The following XKR4 variants were observed in gnomAD, a reference collection of about 807,000 sequenced individuals.
XKR4 encodes the protein XK related 4, also known as XK-related protein 4.
Under a neutral mutation model 53.9 loss-of-function variants are expected in XKR4, and 12 were observed. The ratio of observed to expected loss-of-function variants is 0.22; its 90% confidence interval spans 0.14 to 0.36. XKR4 has a LOEUF of 0.36. Among genes scored for constraint, XKR4 ranks in the 10% least tolerant of loss-of-function variants. The pLI is 1.00. For synonymous variants in XKR4, 354 were observed against 362.4 expected, an observed-to-expected ratio of 0.98 and a Z score of 0.26; for missense variants, 799 against 859.5, an observed-to-expected ratio of 0.93 and a Z score of 0.88.
intron 2 of XKR4, among the ~76,000 whole-genome samples, chr8:55,413,681 T>G (rs970461522): frequency 6.6e-6 from 1 of 152,230 alleles, no homozygotes; most frequent in African/African-American, 2.4e-5. Context: ...CTTGGTCTGA[T>G]TTTTTCTTGA....
At chr8:55,138,245 G>A (rs1585898536) in intron 1 of XKR4, among the ~76,000 whole-genome samples, 1 of 152,208 alleles carries the variant, frequency 6.6e-6, no homozygotes, top group East Asian at 1.9e-4. Flanking sequence ...GCCAGCTCAA[G>A]AGAGATAATA....
intron 2 of XKR4, among the ~76,000 whole-genome samples, chr8:55,448,202 T>G (rs1805373711): frequency 1.3e-5 from 2 of 152,226 alleles, no homozygotes; most frequent in Admixed American, 6.5e-5. Flanking sequence ...GCCTGGCAAT[T>G]TATTAAACTT....
At chr8:55,110,792 A>G (rs1490087184) in intron 1 of XKR4, among the ~76,000 whole-genome samples, 2 of 152,110 alleles carry the variant, frequency 1.3e-5, no homozygotes, top group African/African-American at 2.4e-5. Context: ...ATATGGAAGA[A>G]TTTTTGGTAT....
chr8:55,392,727 G>A (rs1283669439), intron 2 of XKR4, among the ~76,000 whole-genome samples: 1 of 152,134 alleles, frequency 6.6e-6, no homozygotes, highest in African/African-American at 2.4e-5. Flanking sequence ...AGAAGCAGAG[G>A]TTACAGTGAG....
At chr8:55,389,480 T>C (rs536063329) in intron 2 of XKR4, among the ~76,000 whole-genome samples, 4 of 152,340 alleles carry the variant, frequency 2.6e-5, no homozygotes, top group African/African-American at 9.6e-5. Context: ...TACTGGCTAA[T>C]GGATTATATT....
At chr8:55,426,964 C>T (rs1805025123) in intron 2 of XKR4, among the ~76,000 whole-genome samples, 1 of 152,082 alleles carries the variant, frequency 6.6e-6, no homozygotes, top group African/African-American at 2.4e-5. Context: ...GATTTCCTAC[C>T]ACTGCCTACA....
rs531080695 is a variant in XKR4, at chr8:55,209,086, C to T, written c.806+105792C>T. Among the ~76,000 whole-genome samples the T allele has an allele frequency of 3.0e-4, 45 of 152,274 alleles. No individual in the cohort carries two copies. The South Asian group carries it at 6.6e-3, about 22-fold the overall frequency. Reference sequence around the variant, plus strand: ...TGTGGCTCATAGGCAACCAGGTTTGCGCTGAATAACCGGCTGAGTAGCTGC... The same window carrying T: ...TGTGGCTCATAGGCAACCAGGTTTGTGCTGAATAACCGGCTGAGTAGCTGC... On this transcript the variant is annotated intron_variant, in intron 1 of 2. Coordinates refer to ENST00000327381, the MANE Select transcript of XKR4 (RefSeq NM_052898.2).
intron 2 of XKR4, among the ~76,000 whole-genome samples, chr8:55,378,927 T>C (rs1471908709): frequency 6.6e-6 from 1 of 152,182 alleles, no homozygotes; most frequent in Non-Finnish European, 1.5e-5. Context: ...GCCAAATGAA[T>C]CATGTTGGGG....
At chr8:55,519,922 G>A (rs1363533369) in intron 2 of XKR4, among the ~76,000 whole-genome samples, 1 of 152,160 alleles carries the variant, frequency 6.6e-6, no homozygotes, top group Non-Finnish European at 1.5e-5. Flanking sequence ...AAATATAGAT[G>A]TTCAATATAA....
At chr8:55,213,633 G>A (rs1438172116) in intron 1 of XKR4, among the ~76,000 whole-genome samples, 2 of 152,092 alleles carry the variant, frequency 1.3e-5, no homozygotes, top group Admixed American at 1.3e-4. Context: ...TTTGGGAAAG[G>A]GCTGCTGTCA....
intron 1 of XKR4, among the ~76,000 whole-genome samples, chr8:55,186,367 A>C (rs1817376362): frequency 6.6e-6 from 1 of 152,224 alleles, no homozygotes; most frequent in African/African-American, 2.4e-5. Context: ...TTAAAAATTC[A>C]AATAGAGGCC....
intron 1 of XKR4, among the ~76,000 whole-genome samples, chr8:55,283,838 C>T (rs940012219): frequency 2.6e-5 from 4 of 152,310 alleles, no homozygotes; most frequent in Middle Eastern, 3.4e-3. Context: ...GTGAGGCCAG[C>T]TCATTTCACA....
At chr8:55,490,499 A>G (rs932677318) in intron 2 of XKR4, among the ~76,000 whole-genome samples, 4 of 152,196 alleles carry the variant, frequency 2.6e-5, no homozygotes, top group African/African-American at 4.8e-5. Context: ...TTGTACCCCG[A>G]AATTCAGCAT....
chr8:55,344,407 G>C (rs571499759), intron 1 of XKR4, among the ~76,000 whole-genome samples: 61 of 151,018 alleles, frequency 4.0e-4, no homozygotes, highest in Non-Finnish European at 7.2e-4. Flanking sequence ...CACGATCACT[G>C]CTTCCTGAGT....
chr8:55,240,710 T>TA (rs1243663623), intron 1 of XKR4, among the ~76,000 whole-genome samples: 5 of 152,210 alleles, frequency 3.3e-5, no homozygotes, highest in African/African-American at 1.2e-4. Context: ...AGTCCATTGC[T>TA]AAAAAAAGAG....
At chr8:55,454,644 G>T in intron 2 of XKR4, 1 of 1,066,400 alleles carries the variant, frequency 9.4e-7, no homozygotes, top group Non-Finnish European at 1.4e-6. Flanking sequence ...GGGGCACGGT[G>T]CACGTCAGCA....
chr8:55,474,727 G>A (rs1449838847), intron 2 of XKR4, among the ~76,000 whole-genome samples: 1 of 152,148 alleles, frequency 6.6e-6, no homozygotes, highest in Non-Finnish European at 1.5e-5. Flanking sequence ...GGATGCTAAT[G>A]AGGCTCTGCC....
chr8:55,494,042 G>A (rs1806306785), intron 2 of XKR4, among the ~76,000 whole-genome samples: 3 of 152,232 alleles, frequency 2.0e-5, no homozygotes, highest in Admixed American at 2.0e-4. Flanking sequence ...CTGTCAGGCT[G>A]CGTTTGGCTC....
intron 1 of XKR4, among the ~76,000 whole-genome samples, chr8:55,264,420 T>C (rs2129371533): frequency 6.6e-6 from 1 of 152,312 alleles, no homozygotes. Flanking sequence ...GCCTGAAACA[T>C]AGAAGTCCTT....
Sources: gnomAD v4.1 joint callset for allele counts (sites outside exome capture counted in the v4.1 genomes callset) on GRCh38, gnomAD v4.1.1 for gene constraint, MANE v1.5 for transcripts, NCBI Gene and HGNC (gene_info 2026-07-23, HGNC 2026-07-21) for gene names.